BLTP1: variants seen among roughly 807,000 people sequenced by gnomAD.
The protein encoded by BLTP1 is bridge-like lipid transfer protein family member 1, also known as fragile site-associated protein.
the BLTP1 span, chr4:122,244,952 T>C: frequency 6.4e-7 from 1 of 1,552,440 alleles, no homozygotes; most frequent in Non-Finnish European, 8.8e-7. Flanking sequence ...TTTCATGATA[T>C]GTTTACATAA....
At chr4:122,268,336 G>A in the BLTP1 span, among the ~76,000 whole-genome samples, 2 of 152,140 alleles carry the variant, frequency 1.3e-5, no homozygotes, top group African/African-American at 4.8e-5. Context: ...TACAGAACAA[G>A]GAGCTTTTGT....
At chr4:122,158,578 T>G in the BLTP1 span, among the ~76,000 whole-genome samples, 3 of 152,162 alleles carry the variant, frequency 2.0e-5, no homozygotes, top group African/African-American at 7.2e-5. Flanking sequence ...CCATCCTGGC[T>G]AACACGGTGA....
At chr4:122,213,313 G>A in the BLTP1 span, among the ~76,000 whole-genome samples, 1 of 152,118 alleles carries the variant, frequency 6.6e-6, no homozygotes, top group Non-Finnish European at 1.5e-5. Context: ...AAAGTGTTGG[G>A]ATTATAGGTG....
At chr4:122,288,688 T>TC in the BLTP1 span, 8 of 332,874 alleles carry the variant, frequency 2.4e-5, no homozygotes, top group African/African-American at 1.8e-4. Flanking sequence ...AATAAATAAA[T>TC]AAATAAATCT....
At chr4:122,172,969 A>ATTGTAAGAGGACACATTAC in the BLTP1 span, 1 of 1,585,212 alleles carries the variant, frequency 6.3e-7, no homozygotes, top group Non-Finnish European at 8.5e-7. Flanking sequence ...CAAGTATTAA[A>ATTGTAAGAGGACACATTAC]TTGTAAGAGG....
At chr4:122,198,463 G>A in the BLTP1 span, 5 of 984,352 alleles carry the variant, frequency 5.1e-6, no homozygotes, top group African/African-American at 8.7e-5. Flanking sequence ...AGTTAAGGAA[G>A]TGCTTCTGCC....
chr4:122,175,388 A>G, the BLTP1 span: 2 of 504,936 alleles, frequency 4.0e-6, no homozygotes, highest in East Asian at 3.0e-4. Context: ...GAACATCCTT[A>G]AAAGTTTCTC....
At chr4:122,202,525 A>G in the BLTP1 span, 136 of 963,094 alleles carry the variant, frequency 1.4e-4, no homozygotes, top group Non-Finnish European at 1.5e-4. Flanking sequence ...TGGCTCAAGA[A>G]TCTGTTACAT....
chr4:122,336,464 T>A, the BLTP1 span: 1 of 775,898 alleles, frequency 1.3e-6, no homozygotes, highest in East Asian at 3.1e-5. Context: ...CAATTATAAA[T>A]GTTAAAGAAT....
chr4:122,188,852 T>C, the BLTP1 span: 1 of 680,644 alleles, frequency 1.5e-6, no homozygotes. Context: ...TGAGGTTTTA[T>C]GTGAAACATG....
chr4:122,300,348 C>G, the BLTP1 span, among the ~76,000 whole-genome samples: 1 of 152,090 alleles, frequency 6.6e-6, no homozygotes, highest in Non-Finnish European at 1.5e-5. Context: ...ATAACCAATC[C>G]ACAAATCCTT....
the BLTP1 span, chr4:122,207,144 A>G: frequency 7.5e-6 from 12 of 1,608,394 alleles, no homozygotes; most frequent in Non-Finnish European, 1.0e-5. Context: ...ACAGTCCTCC[A>G]GACATTTTTT....
chr4:122,191,238 T>A, the BLTP1 span, among the ~76,000 whole-genome samples: 1 of 152,166 alleles, frequency 6.6e-6, no homozygotes, highest in Admixed American at 6.5e-5. Flanking sequence ...GAAAAGCACT[T>A]GTATGATTAA....
chr4:122,288,002 G>A, the BLTP1 span, among the ~76,000 whole-genome samples: 2 of 151,812 alleles, frequency 1.3e-5, no homozygotes, highest in African/African-American at 4.8e-5. Context: ...GTAACGAGGT[G>A]GAACACAATC....
chr4:122,199,781 A>G, the BLTP1 span: 23 of 298,378 alleles, frequency 7.7e-5, no homozygotes, highest in Middle Eastern at 5.0e-3. Context: ...ATTCTTTAAT[A>G]TATGTTTTCT....
At chr4:122,333,899 T>A in the BLTP1 span, 3 of 1,446,386 alleles carry the variant, frequency 2.1e-6, no homozygotes, top group Non-Finnish European at 2.8e-6. Context: ...TCTCATTATA[T>A]TAAAATGAGA....
At chr4:122,175,025 G>A in the BLTP1 span, 1 of 940,022 alleles carries the variant, frequency 1.1e-6, no homozygotes, top group African/African-American at 1.8e-5. Context: ...TAAGTTTATA[G>A]AATTGTTTAG....
chr4:122,258,646 T>C, the BLTP1 span: 1 of 1,556,152 alleles, frequency 6.4e-7, no homozygotes, highest in Non-Finnish European at 8.7e-7. Context: ...GGGGCTGATG[T>C]TTCATGAAAA....
At chr4:122,215,332 C>T in the BLTP1 span, 2 of 952,924 alleles carry the variant, frequency 2.1e-6, no homozygotes, top group Middle Eastern at 5.4e-4. Context: ...TTAAGATTTA[C>T]AATGATAACA....
Sources: gnomAD v4.1 joint callset for allele counts (sites outside exome capture counted in the v4.1 genomes callset) on GRCh38, gnomAD v4.1.1 for gene constraint, MANE v1.5 for transcripts, NCBI Gene and HGNC (gene_info 2026-07-23, HGNC 2026-07-21) for gene names.